MAML3: variants seen among roughly 807,000 people sequenced by gnomAD.
MAML3 encodes mastermind-like protein 3.
MAML3 carries 27 observed loss-of-function variants against 101.9 expected under a neutral mutation model. The observed-to-expected ratio is 0.27, with a 90% CI of 0.20 to 0.37. The LOEUF (loss-of-function observed/expected upper bound fraction) is 0.37, where lower values mean the gene tolerates loss of function less well. MAML3 is among the 10% of genes least tolerant of loss of function. MAML3 has a pLI of 1.00. For missense variants in MAML3, 1,316 were observed against 1,444.9 expected (o/e 0.91, Z 1.45); for synonymous variants, 501 against 555.9 (o/e 0.90, Z 1.39).
chr4:140,136,666 C>T (rs912449443), intron 1 of MAML3, among the ~76,000 whole-genome samples: 1 of 152,182 alleles, frequency 6.6e-6, no homozygotes, highest in African/African-American at 2.4e-5. Context: ...TGCAAAGGAT[C>T]CCCAAATTGG....
intron 1 of MAML3, among the ~76,000 whole-genome samples, chr4:139,924,672 G>C (rs1011491548): frequency 4.6e-5 from 7 of 152,192 alleles, no homozygotes; most frequent in African/African-American, 1.4e-4. Flanking sequence ...CAAGCCAGAG[G>C]TTCCATTACT....
intron 3 of MAML3, among the ~76,000 whole-genome samples, chr4:139,726,713 A>G (rs1728486444): frequency 6.6e-6 from 1 of 152,216 alleles, no homozygotes; most frequent in African/African-American, 2.4e-5. Context: ...TGCTTTGAGG[A>G]AACCATGTGG....
chr4:139,919,012 A>C (rs187454255), intron 1 of MAML3, among the ~76,000 whole-genome samples: 1 of 152,330 alleles, frequency 6.6e-6, no homozygotes, highest in East Asian at 1.9e-4. Flanking sequence ...CATGTCTCTT[A>C]GTTTCCTATA....
chr4:140,108,582 G>A (rs780821013), intron 1 of MAML3, among the ~76,000 whole-genome samples: 1 of 148,150 alleles, frequency 6.7e-6, no homozygotes, highest in Non-Finnish European at 1.5e-5. Flanking sequence ...TAATGACCTA[G>A]CACATACTAG....
At chr4:139,790,161 G>A (rs1730379564) in intron 2 of MAML3, among the ~76,000 whole-genome samples, 1 of 147,112 alleles carries the variant, frequency 6.8e-6, no homozygotes, top group Non-Finnish European at 1.5e-5. Context: ...GGGTCACCGA[G>A]GAGGGAAAGG....
intron 2 of MAML3, among the ~76,000 whole-genome samples, chr4:139,861,283 T>A (rs1731777898): frequency 6.6e-6 from 1 of 152,114 alleles, no homozygotes; most frequent in South Asian, 2.1e-4. Context: ...TCCCGAAGGC[T>A]CTATCCTCAA....
At chr4:139,832,779 G>T (rs11100297) in intron 2 of MAML3, among the ~76,000 whole-genome samples, 64,681 of 152,080 alleles carry the variant, frequency 0.43, 14,290 homozygotes, top group African/African-American at 0.51. Flanking sequence ...GTCCATACGA[G>T]CACATAATCT....
intron 1 of MAML3, among the ~76,000 whole-genome samples, chr4:139,928,443 G>C (rs1038596810): frequency 5.9e-5 from 9 of 152,190 alleles, no homozygotes; most frequent in Admixed American, 5.9e-4. Context: ...AGTAAGGACT[G>C]TTTGGAGAAA....
chr4:139,795,341 T>A (rs1730493152), intron 2 of MAML3, among the ~76,000 whole-genome samples: 1 of 152,238 alleles, frequency 6.6e-6, no homozygotes, highest in Non-Finnish European at 1.5e-5. Flanking sequence ...AACAAAAGTA[T>A]AAGGATGTCA....
rs540215043 is a variant in MAML3, at chr4:140,069,653, A to G, written c.468+83207T>C. On this transcript the variant is annotated intron_variant, in intron 1 of 4. Transcript: ENST00000509479. ...AGAAAGAAGAAGAAGAAGGAGGAGG[A>G]GAAGGAGAAGGAGAAAGAAAGAAAG... Among the ~76,000 whole-genome samples, 6 of 150,676 alleles carry G rather than the reference A, an allele frequency of 4.0e-5. No homozygotes were observed. The South Asian group carries it at 1.1e-3, about 27-fold the overall frequency.
At chr4:139,969,309 G>C (rs1003069766) in intron 1 of MAML3, among the ~76,000 whole-genome samples, 1 of 151,544 alleles carries the variant, frequency 6.6e-6, no homozygotes, top group East Asian at 1.9e-4. Flanking sequence ...GGCAGGGCAC[G>C]GGAAGAGAGA....
intron 2 of MAML3, among the ~76,000 whole-genome samples, chr4:139,744,812 C>T (rs1466070861): frequency 6.6e-6 from 1 of 152,164 alleles, no homozygotes; most frequent in Non-Finnish European, 1.5e-5. Flanking sequence ...AGCTGTGTGG[C>T]GTGTGTTCTG....
intron 1 of MAML3, among the ~76,000 whole-genome samples, chr4:139,894,057 G>A (rs180673660): frequency 6.6e-6 from 1 of 152,158 alleles, no homozygotes; most frequent in Non-Finnish European, 1.5e-5. Flanking sequence ...ATGCAAGAGA[G>A]GGGGAGGATT....
At chr4:139,929,145 A>G (rs1331065305) in intron 1 of MAML3, among the ~76,000 whole-genome samples, 1 of 152,178 alleles carries the variant, frequency 6.6e-6, no homozygotes, top group African/African-American at 2.4e-5. Context: ...GTTGAGATAG[A>G]TCGCTTCCCT....
At chr4:140,119,627 C>CT (rs368962653) in intron 1 of MAML3, among the ~76,000 whole-genome samples, 6,572 of 137,934 alleles carry the variant, frequency 0.048, 247 homozygotes, top group Middle Eastern at 0.12. Flanking sequence ...TCCTCCCTTC[C>CT]TTTTTTTTTT....
At chr4:139,891,030 T>A in intron 1 of MAML3, 63 bp from the exon 2 acceptor site, 1 of 1,531,896 alleles carries the variant, frequency 6.5e-7, no homozygotes, top group Non-Finnish European at 8.8e-7. Flanking sequence ...CTTTAAGGAT[T>A]GAGATGTGCA....
At chr4:140,055,327 T>C (rs1319157238) in intron 1 of MAML3, among the ~76,000 whole-genome samples, 2 of 152,226 alleles carry the variant, frequency 1.3e-5, no homozygotes. Flanking sequence ...AGGCTTGGTA[T>C]GTATGATAAA....
At chr4:139,792,442 A>T (rs943231901) in intron 2 of MAML3, among the ~76,000 whole-genome samples, 1 of 152,254 alleles carries the variant, frequency 6.6e-6, no homozygotes, top group South Asian at 2.1e-4. Context: ...CCTCATAAGG[A>T]TCTGAGTTAC....
chr4:139,910,383 C>T (rs560010265), intron 1 of MAML3, among the ~76,000 whole-genome samples: 10 of 152,252 alleles, frequency 6.6e-5, no homozygotes, highest in East Asian at 5.8e-4. Context: ...ATGCACTGTG[C>T]GATACTTCAG....
Sources: gnomAD v4.1 joint callset for allele counts (sites outside exome capture counted in the v4.1 genomes callset) on GRCh38, gnomAD v4.1.1 for gene constraint, MANE v1.5 for transcripts, NCBI Gene and HGNC (gene_info 2026-07-23, HGNC 2026-07-21) for gene names.